Variants in NRG1 observed in about 807,000 individuals in gnomAD.
NRG1 encodes the protein neuregulin 1.
Under a neutral mutation model 63.8 loss-of-function variants are expected in NRG1, and 18 were observed. That is an observed-to-expected ratio of 0.28 (90% confidence interval 0.19 to 0.42). The LOEUF (loss-of-function observed/expected upper bound fraction) is 0.42. NRG1 is among the 10% of genes least tolerant of loss of function. NRG1 has a pLI of 1.00. For missense variants in NRG1, 762 were observed against 814.7 expected, an observed-to-expected ratio of 0.94 and a Z score of 0.79; for synonymous variants, 302 against 301.3, an observed-to-expected ratio of 1.00 and a Z score of -0.02.
chr8:32,288,572 G>T (rs1375944571), intron 1 of NRG1, among the ~76,000 whole-genome samples: 2 of 152,020 alleles, frequency 1.3e-5, no homozygotes, highest in African/African-American at 4.8e-5. Flanking sequence ...CTGATTCCAG[G>T]TCTCATAATT....
At chr8:31,783,415 T>C (rs2131623390) in intron 1 of NRG1, among the ~76,000 whole-genome samples, 1 of 152,240 alleles carries the variant, frequency 6.6e-6, no homozygotes, top group East Asian at 1.9e-4. Flanking sequence ...GGAACACACC[T>C]ATCCAAAGAC....
At chr8:31,912,564 T>G (rs1383896) in intron 1 of NRG1, among the ~76,000 whole-genome samples, 3 of 125,738 alleles carry the variant, frequency 2.4e-5, no homozygotes, top group Non-Finnish European at 3.2e-5. Context: ...GCTTTAGAAA[T>G]GCTTTTTTTT....
intron 1 of NRG1, among the ~76,000 whole-genome samples, chr8:31,786,670 C>A (rs1358298564): frequency 2.0e-5 from 3 of 152,198 alleles, no homozygotes; most frequent in Non-Finnish European, 4.4e-5. Flanking sequence ...TCACATAACT[C>A]AGGAAAACAC....
intron 1 of NRG1, among the ~76,000 whole-genome samples, chr8:31,725,436 C>A (rs1813332253): frequency 6.8e-6 from 1 of 147,918 alleles, no homozygotes; most frequent in Non-Finnish European, 1.5e-5. Context: ...CTGCACCACA[C>A]AACTCATAGA....
At chr8:31,850,208 T>G (rs1249341934) in intron 1 of NRG1, among the ~76,000 whole-genome samples, 1 of 152,052 alleles carries the variant, frequency 6.6e-6, no homozygotes, top group East Asian at 1.9e-4. Flanking sequence ...ATTTTATAAG[T>G]GTAGGGTAAT....
At chr8:32,580,506 G>C (rs1404492273) in intron 1 of NRG1, among the ~76,000 whole-genome samples, 1 of 152,212 alleles carries the variant, frequency 6.6e-6, no homozygotes, top group African/African-American at 2.4e-5. Context: ...TGACTGCTAT[G>C]TGCTTTAATT....
chr8:32,642,861 T>C (rs925078452), intron 5 of NRG1, among the ~76,000 whole-genome samples: 1 of 152,144 alleles, frequency 6.6e-6, no homozygotes, highest in Non-Finnish European at 1.5e-5. Flanking sequence ...AAGTGAGTAA[T>C]AAGGTCAAAA....
chr8:31,709,581 C>T (rs904953965), intron 1 of NRG1, among the ~76,000 whole-genome samples: 1 of 151,954 alleles, frequency 6.6e-6, no homozygotes, highest in Non-Finnish European at 1.5e-5. Context: ...ACTTCCAAGG[C>T]CAGAGGTTTC....
chr8:31,781,388 A>G (rs1269840166), intron 1 of NRG1, among the ~76,000 whole-genome samples: 1 of 152,220 alleles, frequency 6.6e-6, no homozygotes, highest in East Asian at 1.9e-4. Flanking sequence ...CTTCTTAAGC[A>G]TTATAGTCAT....
At chr8:31,687,702 G>T (rs369006899) in intron 1 of NRG1, among the ~76,000 whole-genome samples, 45 of 152,242 alleles carry the variant, frequency 3.0e-4, no homozygotes, top group Non-Finnish European at 5.4e-4. Context: ...GAAGAGAAAA[G>T]AATCAGGATC....
chr8:32,626,175 A>T (rs1427547291), intron 5 of NRG1, among the ~76,000 whole-genome samples: 1 of 150,092 alleles, frequency 6.7e-6, no homozygotes, highest in Non-Finnish European at 1.5e-5. Context: ...GGAAATGTGT[A>T]TGCATATTTC....
intron 1 of NRG1, among the ~76,000 whole-genome samples, chr8:32,114,245 A>C (rs1034307954): frequency 1.3e-5 from 2 of 152,212 alleles, no homozygotes; most frequent in African/African-American, 4.8e-5. Context: ...GAGTCATAGC[A>C]AATCTGTCCC....
At chr8:31,846,684 T>G (rs576586474) in intron 1 of NRG1, among the ~76,000 whole-genome samples, 9 of 152,270 alleles carry the variant, frequency 5.9e-5, no homozygotes, top group African/African-American at 2.2e-4. Context: ...GCTGTAGGAA[T>G]TCCAATGAAA....
At chr8:32,370,455 A>G (rs1244793393) in intron 1 of NRG1, among the ~76,000 whole-genome samples, 1 of 152,224 alleles carries the variant, frequency 6.6e-6, no homozygotes, top group Non-Finnish European at 1.5e-5. Flanking sequence ...GCATTGAAAA[A>G]GGAAGATCTG....
chr8:31,952,763 G>T (rs913098198), intron 1 of NRG1, among the ~76,000 whole-genome samples: 1 of 152,162 alleles, frequency 6.6e-6, no homozygotes, highest in Non-Finnish European at 1.5e-5. Flanking sequence ...GACCCAGACC[G>T]CAAAATGTCA....
chr8:32,059,849 T>A (rs1823557734), intron 1 of NRG1, among the ~76,000 whole-genome samples: 1 of 151,972 alleles, frequency 6.6e-6, no homozygotes, highest in African/African-American at 2.4e-5. Context: ...TGTTCTCGCC[T>A]CCATTTTCTC....
chr8:31,765,465 G>T (rs769545339), intron 1 of NRG1, among the ~76,000 whole-genome samples: 75 of 152,268 alleles, frequency 4.9e-4, no homozygotes, highest in Non-Finnish European at 9.4e-4. Context: ...TTAGCTGTAG[G>T]TTTTTTGTAG....
At chr8:32,309,191 G>T (rs2129475801) in intron 1 of NRG1, among the ~76,000 whole-genome samples, 1 of 152,170 alleles carries the variant, frequency 6.6e-6, no homozygotes, top group African/African-American at 2.4e-5. Context: ...CTCTGGGAGG[G>T]GTACCCTTGC....
chr8:32,350,737 T>G (rs1805494301), intron 1 of NRG1, among the ~76,000 whole-genome samples: 1 of 152,000 alleles, frequency 6.6e-6, no homozygotes, highest in Admixed American at 6.6e-5. Flanking sequence ...ATAAAATAAC[T>G]AATATAGGAA....
Sources: gnomAD v4.1 joint callset for allele counts (sites outside exome capture counted in the v4.1 genomes callset) on GRCh38, gnomAD v4.1.1 for gene constraint, MANE v1.5 for transcripts, NCBI Gene and HGNC (gene_info 2026-07-23, HGNC 2026-07-21) for gene names.